ARAP2: variants seen among roughly 807,000 people sequenced by gnomAD.
ARAP2 encodes ArfGAP with RhoGAP domain, ankyrin repeat and PH domain 2.
A neutral mutation model predicts 194.5 loss-of-function variants in ARAP2; 148 were observed. The ratio of observed to expected loss-of-function variants is 0.76; its 90% CI spans 0.67 to 0.87. The LOEUF is 0.87. Ranked by LOEUF, ARAP2 falls within the 40% of genes least tolerant of loss-of-function variation. The pLI, the probability that ARAP2 is intolerant of heterozygous loss-of-function variation, is 0.00. For missense variants in ARAP2, 2,128 were observed against 1,989.7 expected (o/e 1.07, Z -1.32); for synonymous variants, 695 against 683.5 (o/e 1.02, Z -0.26).
intron 5 of ARAP2, among the ~76,000 whole-genome samples, chr4:36,024,534 T>C (rs564049618): frequency 3.9e-5 from 6 of 152,130 alleles, no homozygotes; most frequent in Non-Finnish European, 8.8e-5. Flanking sequence ...CCAAAGATGT[T>C]TTACAGTACA....
chr4:36,112,406 T>C (rs909935142), intron 26 of ARAP2, among the ~76,000 whole-genome samples: 2 of 151,870 alleles, frequency 1.3e-5, no homozygotes, highest in Non-Finnish European at 2.9e-5. Context: ...ACTTAGACTG[T>C]GAAGGATAAA....
intron 5 of ARAP2, among the ~76,000 whole-genome samples, chr4:36,025,214 G>A (rs897406031): frequency 1.3e-5 from 2 of 152,126 alleles, no homozygotes; most frequent in African/African-American, 4.8e-5. Flanking sequence ...AGTGGCTTAG[G>A]AATATTTTTA....
At chr4:36,138,224 C>T (rs557254419) in intron 19 of ARAP2, among the ~76,000 whole-genome samples, 1 of 151,724 alleles carries the variant, frequency 6.6e-6, no homozygotes, top group East Asian at 1.9e-4. Context: ...GATGTTTGGT[C>T]ATTAGAATTT....
rs766223503 is a variant in ARAP2, at chr4:36,161,563, C to T, written c.2174-13G>A. On this transcript the variant is annotated splice_polypyrimidine_tract_variant and intron_variant, in intron 11 of 32. Coordinates refer to ENST00000303965, the MANE Select transcript of ARAP2 (RefSeq NM_015230.4). ...GATCTATGCTGTCCTAGAGTCAAAA[C>T]ACAATTGCATTTCTATTTTAATTTG... 1.9e-6 allele frequency: 3 copies of T among 1,588,878 alleles called. No homozygotes were observed. In the East Asian group the frequency reaches 6.7e-5, roughly 36 times the overall value.
chr4:36,236,598 T>C (rs968019551), intron 1 of ARAP2, among the ~76,000 whole-genome samples: 4 of 152,192 alleles, frequency 2.6e-5, no homozygotes, highest in African/African-American at 7.2e-5. Context: ...CTTAAAAATA[T>C]AGATTTACAA....
chr4:36,089,866 A>T (rs2109378259), intron 28 of ARAP2, among the ~76,000 whole-genome samples: 1 of 152,094 alleles, frequency 6.6e-6, no homozygotes, highest in African/African-American at 2.4e-5. Flanking sequence ...ACATTTTCTC[A>T]ATCTGGGACT....
intron 30 of ARAP2, among the ~76,000 whole-genome samples, chr4:36,081,200 G>C (rs1243812783): frequency 6.6e-6 from 1 of 152,040 alleles, no homozygotes; most frequent in Non-Finnish European, 1.5e-5. Context: ...CCGTACCCTT[G>C]TTTATAAAAT....
intron 28 of ARAP2, among the ~76,000 whole-genome samples, chr4:36,090,059 A>G (rs1406971121): frequency 6.6e-6 from 1 of 151,972 alleles, no homozygotes; most frequent in Non-Finnish European, 1.5e-5. Flanking sequence ...ACACAATCAG[A>G]AACAATAAGG....
chr4:36,128,794 C>A (rs1473333789), intron 20 of ARAP2, 49 bp from the exon 21 acceptor site: 18 of 1,412,216 alleles, frequency 1.3e-5, no homozygotes, highest in East Asian at 1.2e-4. Context: ...AATTCAAAAG[C>A]CAGTTTGATA....
At chr4:36,243,319 T>A (rs1355158338) in intron 1 of ARAP2, among the ~76,000 whole-genome samples, 1 of 149,296 alleles carries the variant, frequency 6.7e-6, no homozygotes, top group African/African-American at 2.5e-5. Context: ...TTCAATACAC[T>A]TCTTGATTTT....
At chr4:36,141,087 G>A (rs1348941118) in intron 19 of ARAP2, among the ~76,000 whole-genome samples, 1 of 151,626 alleles carries the variant, frequency 6.6e-6, no homozygotes, top group Non-Finnish European at 1.5e-5. Context: ...GTAGGTTAAA[G>A]TGCAAAAATA....
At chr4:36,144,161 T>TA (rs1277431569) in intron 19 of ARAP2, among the ~76,000 whole-genome samples, 15 of 150,984 alleles carry the variant, frequency 9.9e-5, no homozygotes, top group East Asian at 5.8e-4. Context: ...CTCCATAGGT[T>TA]AAAAAAAAGG....
intron 27 of ARAP2, among the ~76,000 whole-genome samples, chr4:36,103,472 T>A (rs1033316192): frequency 2.0e-5 from 3 of 151,340 alleles, no homozygotes; most frequent in African/African-American, 7.3e-5. Flanking sequence ...ATAATAATAA[T>A]AAATAATGGT....
intron 9 of ARAP2, among the ~76,000 whole-genome samples, chr4:36,170,779 G>T (rs895563223): frequency 6.6e-6 from 1 of 151,992 alleles, no homozygotes; most frequent in Non-Finnish European, 1.5e-5. Flanking sequence ...TTTTTTAATG[G>T]GAAAACAGTC....
chr4:36,194,188 T>C (rs550337667), intron 6 of ARAP2, among the ~76,000 whole-genome samples: 1 of 152,314 alleles, frequency 6.6e-6, no homozygotes, highest in African/African-American at 2.4e-5. Flanking sequence ...GAAAGATTAG[T>C]ATATTTTTTA....
chr4:36,134,327 C>A (rs566146542), intron 19 of ARAP2, among the ~76,000 whole-genome samples: 1 of 151,826 alleles, frequency 6.6e-6, no homozygotes, highest in Admixed American at 6.6e-5. Flanking sequence ...CCACGTACCC[C>A]ACGAGAAATT....
At chr4:36,210,777 G>T in intron 5 of ARAP2, 34 bp from the exon 6 acceptor site, 1 of 1,426,732 alleles carries the variant, frequency 7.0e-7, no homozygotes, top group Non-Finnish European at 9.5e-7. Context: ...ATTTCAAAGT[G>T]CTATATGTGA....
Position 36,074,744 on chromosome 4 carries a change from AG to A in ARAP2, c.4609-922del, listed in dbSNP as rs570314378. On this transcript the variant is annotated intron_variant, in intron 31 of 32. Coordinates refer to ENST00000303965, the MANE Select transcript of ARAP2 (RefSeq NM_015230.4). ...TACTCTTTATTTCTCTCAGTTCTTA[AG>A]CAACAGATTATTGTTCTTAGGTTGC... Among the ~76,000 whole-genome samples, 861 of 152,242 alleles carry A rather than the reference AG, an allele frequency of 5.7e-3. 2 individuals are homozygous for A. The highest frequency in any genetic ancestry group is 8.8e-3 in the Non-Finnish European group (597 of 67,984).
chr4:36,107,818 C>G (rs942658294), intron 26 of ARAP2, 125 bp from the exon 27 acceptor site: 1 of 796,538 alleles, frequency 1.3e-6, no homozygotes, highest in African/African-American at 1.8e-5. Context: ...ACAATCATAT[C>G]TTATGTTATA....
Sources: gnomAD v4.1 joint callset for allele counts (sites outside exome capture counted in the v4.1 genomes callset) on GRCh38, gnomAD v4.1.1 for gene constraint, MANE v1.5 for transcripts, NCBI Gene and HGNC (gene_info 2026-07-23, HGNC 2026-07-21) for gene names.